The following COL11A1 variants were observed in gnomAD, a reference collection of about 807,000 sequenced individuals.
COL11A1 encodes the protein collagen type XI alpha 1 chain, also known as collagen alpha-1(XI) chain.
In COL11A1, 74 loss-of-function variants were observed where a neutral mutation model predicts 265.2. The observed-to-expected ratio is 0.28, with a 90% CI of 0.23 to 0.34. The LOEUF (loss-of-function observed/expected upper bound fraction) is 0.34, where lower values mean the gene tolerates loss of function less well. Ranked by LOEUF, COL11A1 falls within the 10% of genes least tolerant of loss-of-function variation. The probability of loss-of-function intolerance (pLI) is 1.00; values close to 1 mark genes in which losing one functional copy is unlikely to be tolerated. For missense variants in COL11A1, 2,165 were observed against 2,263.6 expected (o/e 0.96, Z 0.88); for synonymous variants, 816 against 727.6 (o/e 1.12, Z -1.96).
chr1:102,944,624 T>G (rs530678172), intron 42 of COL11A1, among the ~76,000 whole-genome samples: 1 of 152,312 alleles, frequency 6.6e-6, no homozygotes, highest in Non-Finnish European at 1.5e-5. Flanking sequence ...CTGTCTCACC[T>G]AATTAATTTC....
intron 26 of COL11A1, 138 bp downstream of exon 26, chr1:102,996,942 T>A (rs927979326): frequency 4.1e-6 from 3 of 736,964 alleles, no homozygotes; most frequent in Non-Finnish European, 7.2e-6. Flanking sequence ...GATATAAAAT[T>A]AAAAGTAGTC....
intron 62 of COL11A1, among the ~76,000 whole-genome samples, chr1:102,887,580 A>G (rs1651153920): frequency 6.6e-6 from 1 of 152,152 alleles, no homozygotes; most frequent in Non-Finnish European, 1.5e-5. Context: ...AATCAATGCA[A>G]CCCGACTTGA....
chr1:102,985,086 T>G (rs1226511206), intron 30 of COL11A1, among the ~76,000 whole-genome samples: 1 of 151,994 alleles, frequency 6.6e-6, no homozygotes, highest in East Asian at 1.9e-4. Flanking sequence ...AATTTTACTG[T>G]GCATCCATTT....
chr1:103,015,761 T>C lies in COL11A1; in HGVS notation c.1414-19A>G. On this transcript the variant is annotated intron_variant, in intron 11 of 66. Transcript: ENST00000370096. ...GGGGGCCCTAGAAAAATAAATGAAA[T>C]AACCAAAATAAATAAATATCAAAAT... The C allele has an allele frequency of 2.1e-6, 3 of 1,408,178 alleles. No individual in the cohort carries two copies. The highest frequency in any genetic ancestry group is 3.0e-6 in the Non-Finnish European group (3 of 1,009,942). 87.2% of individuals were successfully genotyped at this position (1,408,178 alleles called of 1,614,324 possible). A position where few individuals can be genotyped will look rare whatever the true frequency, so the allele number is the denominator to read the frequency against.
At chr1:102,942,150 G>A (rs1380594138) in intron 42 of COL11A1, among the ~76,000 whole-genome samples, 1 of 152,062 alleles carries the variant, frequency 6.6e-6, no homozygotes, top group Non-Finnish European at 1.5e-5. Flanking sequence ...ATACTCATAG[G>A]ATGTGCTGTG....
intron 1 of COL11A1, among the ~76,000 whole-genome samples, chr1:103,094,448 C>T (rs1418153365): frequency 1.3e-5 from 2 of 152,044 alleles, no homozygotes; most frequent in African/African-American, 2.4e-5. Context: ...CATATGAAAA[C>T]ATTTTTTAGA....
intron 46 of COL11A1, among the ~76,000 whole-genome samples, chr1:102,924,118 G>T (rs1656309718): frequency 6.6e-6 from 1 of 152,064 alleles, no homozygotes; most frequent in South Asian, 2.1e-4. Context: ...CTACTCGGGA[G>T]GCTGAGGCAG....
chr1:102,893,583 A>G (rs1652032157), intron 57 of COL11A1, among the ~76,000 whole-genome samples: 1 of 152,130 alleles, frequency 6.6e-6, no homozygotes, highest in Non-Finnish European at 1.5e-5. Flanking sequence ...AGGGAAATAC[A>G]TAATTCATAA....
intron 1 of COL11A1, among the ~76,000 whole-genome samples, chr1:103,103,273 T>C (rs923283160): frequency 6.6e-6 from 1 of 152,034 alleles, no homozygotes; most frequent in Non-Finnish European, 1.5e-5. Flanking sequence ...TGTCATCCAA[T>C]CAATTGAAAT....
chr1:102,940,708 C>A (rs531603949), intron 42 of COL11A1, among the ~76,000 whole-genome samples: 1 of 152,262 alleles, frequency 6.6e-6, no homozygotes, highest in African/African-American at 2.4e-5. Context: ...ATTGACAAAT[C>A]AGATTTCTTA....
chr1:103,028,220 G>C (rs1294597377), intron 5 of COL11A1, among the ~76,000 whole-genome samples: 1 of 152,008 alleles, frequency 6.6e-6, no homozygotes, highest in East Asian at 1.9e-4. Flanking sequence ...TTTTAGTAGA[G>C]AGAGGGTTTC....
At chr1:103,011,171 G>C (rs1666095126) in intron 14 of COL11A1, among the ~76,000 whole-genome samples, 1 of 151,854 alleles carries the variant, frequency 6.6e-6, no homozygotes, top group Non-Finnish European at 1.5e-5. Flanking sequence ...AAAATACCTA[G>C]GTTAATTCTT....
chr1:102,889,317 A>C, intron 59 of COL11A1, 138 bp downstream of exon 59: 1 of 700,146 alleles, frequency 1.4e-6, no homozygotes, highest in East Asian at 2.7e-5. Context: ...TATCTTTTTA[A>C]GAACATTACT....
At chr1:103,090,011 C>A (rs1320722559) in intron 1 of COL11A1, among the ~76,000 whole-genome samples, 3 of 152,102 alleles carry the variant, frequency 2.0e-5, no homozygotes, top group Non-Finnish European at 2.9e-5. Flanking sequence ...GTAATCCCAG[C>A]TACTCCAAAG....
intron 56 of COL11A1, 144 bp from the exon 57 acceptor site, chr1:102,898,322 T>C: frequency 2.7e-6 from 1 of 364,232 alleles, no homozygotes; most frequent in Non-Finnish European, 4.7e-6. Flanking sequence ...CTACAAATAT[T>C]GTAAATAATT....
At chr1:102,894,941 C>T (rs1200418091) in intron 57 of COL11A1, among the ~76,000 whole-genome samples, 1 of 152,028 alleles carries the variant, frequency 6.6e-6, no homozygotes, top group Non-Finnish European at 1.5e-5. Context: ...ATGCCCAACC[C>T]TTATGTGCTA....
intron 44 of COL11A1, among the ~76,000 whole-genome samples, chr1:102,937,044 C>T (rs1343756555): frequency 1.3e-5 from 2 of 151,996 alleles, no homozygotes; most frequent in African/African-American, 2.4e-5. Flanking sequence ...AACAATGGTA[C>T]TCTTGGGACT....
chr1:103,051,397 C>T (rs2102135856), intron 4 of COL11A1, among the ~76,000 whole-genome samples: 1 of 152,346 alleles, frequency 6.6e-6, no homozygotes, highest in East Asian at 1.9e-4. Context: ...GTAGGACCCT[C>T]TGAGCCATGT....
At chr1:103,096,815 C>A (rs1673808330) in intron 1 of COL11A1, among the ~76,000 whole-genome samples, 1 of 151,866 alleles carries the variant, frequency 6.6e-6, no homozygotes, top group African/African-American at 2.4e-5. Context: ...TCATTGTTTG[C>A]AATTTTTGTT....
Sources: gnomAD v4.1 joint callset for allele counts (sites outside exome capture counted in the v4.1 genomes callset) on GRCh38, gnomAD v4.1.1 for gene constraint, MANE v1.5 for transcripts, NCBI Gene and HGNC (gene_info 2026-07-23, HGNC 2026-07-21) for gene names.